SH3BGRL2: variants seen among roughly 807,000 people sequenced by gnomAD.
SH3BGRL2 encodes the protein SH3 domain binding glutamate rich protein like 2.
Under a neutral mutation model 14.8 loss-of-function variants are expected in SH3BGRL2, and 21 were observed. The ratio of observed to expected loss-of-function variants is 1.42; its 90% CI spans 1.01 to 2.05. SH3BGRL2 has a LOEUF of 2.05. SH3BGRL2 is among the 30% of genes most tolerant of loss of function. The pLI is 0.00. For synonymous variants in SH3BGRL2, 50 were observed against 47.8 expected (o/e 1.05, Z -0.19); for missense variants, 147 against 130.8 (o/e 1.12, Z -0.61).
intron 2 of SH3BGRL2, among the ~76,000 whole-genome samples, chr6:79,695,731 A>G (rs1344647333): frequency 6.6e-6 from 1 of 152,214 alleles, no homozygotes; most frequent in Admixed American, 6.5e-5. Flanking sequence ...AATGCCTAAA[A>G]TGATTGTGAT....
chr6:79,600,961 C>T, the SH3BGRL2 span, among the ~76,000 whole-genome samples: 212 of 152,232 alleles, frequency 1.4e-3, 2 homozygotes, highest in African/African-American at 4.8e-3. Flanking sequence ...AGCCATGATA[C>T]TTAAAATCAT....
the SH3BGRL2 span, among the ~76,000 whole-genome samples, chr6:79,572,639 G>A: frequency 6.6e-6 from 1 of 152,064 alleles, no homozygotes; most frequent in Admixed American, 6.5e-5. Flanking sequence ...CTAATTTTTT[G>A]TATTTTCAGC....
At chr6:79,639,439 A>G (rs1277830426) in intron 1 of SH3BGRL2, among the ~76,000 whole-genome samples, 2 of 152,090 alleles carry the variant, frequency 1.3e-5, no homozygotes, top group Non-Finnish European at 2.9e-5. Context: ...AAATATAAAA[A>G]TTAGCGGGGC....
chr6:79,601,669 G>A, the SH3BGRL2 span, among the ~76,000 whole-genome samples: 2 of 152,208 alleles, frequency 1.3e-5, no homozygotes, highest in East Asian at 3.9e-4. Flanking sequence ...GTCCTCAGTT[G>A]ATTCAGCTGA....
rs145492135 is a variant in SH3BGRL2 at position 79,683,116 on chromosome 6, A to G, written c.231+9317A>G. Among the ~76,000 whole-genome samples the G allele has an allele frequency of 3.3e-4, 51 of 152,294 alleles. No individual in the cohort carries two copies. The East Asian group carries it at 5.8e-3, about 17-fold the overall frequency. ...TAATGTAAATGATGAGTTGATGGGT[A>G]CAGCAAACCAATATGGTACATGTAT... On this transcript the variant is annotated intron_variant, in intron 2 of 3. Transcript: ENST00000369838.
the SH3BGRL2 span, among the ~76,000 whole-genome samples, chr6:79,599,619 A>G: frequency 6.6e-6 from 1 of 152,060 alleles, no homozygotes; most frequent in Non-Finnish European, 1.5e-5. Context: ...GATCCACCCT[A>G]TACCAGCTCT....
At chr6:79,649,448 G>A (rs1257003726) in intron 1 of SH3BGRL2, among the ~76,000 whole-genome samples, 4 of 152,144 alleles carry the variant, frequency 2.6e-5, no homozygotes, top group Admixed American at 6.6e-5. Context: ...TTGGCAGGGT[G>A]AGCTTCAAGT....
chr6:79,699,461 GACTTT>G, intron 3 of SH3BGRL2, 32 bp from the exon 4 acceptor site: 1 of 1,024,782 alleles, frequency 9.8e-7, no homozygotes. Context: ...TGCAATAACT[GACTTT>G]TTTTTTTTTT....
the SH3BGRL2 span, among the ~76,000 whole-genome samples, chr6:79,590,424 G>GATTGATATATATATATAT: frequency 4.9e-4 from 33 of 66,682 alleles, 1 homozygote; most frequent in African/African-American, 2.1e-3. Flanking sequence ...AAGAAAATGT[G>GATTGATATATATATATAT]ATATATATAT....
At chr6:79,650,228 C>T (rs961598862) in intron 1 of SH3BGRL2, among the ~76,000 whole-genome samples, 1 of 152,078 alleles carries the variant, frequency 6.6e-6, no homozygotes, top group African/African-American at 2.4e-5. Context: ...CAGAAAGATA[C>T]AAAAGTTCCC....
At chr6:79,677,968 G>T (rs1319911458) in intron 2 of SH3BGRL2, among the ~76,000 whole-genome samples, 1 of 152,060 alleles carries the variant, frequency 6.6e-6, no homozygotes, top group Non-Finnish European at 1.5e-5. Context: ...TTAACCCTTT[G>T]TTCTCACTCT....
the SH3BGRL2 span, among the ~76,000 whole-genome samples, chr6:79,592,262 T>G: frequency 1.4e-4 from 22 of 152,348 alleles, no homozygotes; most frequent in Non-Finnish European, 2.1e-4. Flanking sequence ...TCCATTTATC[T>G]GATTCAATCC....
At chr6:79,596,116 A>G in the SH3BGRL2 span, among the ~76,000 whole-genome samples, 43 of 152,362 alleles carry the variant, frequency 2.8e-4, no homozygotes, top group Middle Eastern at 3.4e-3. Context: ...TTGTACATTA[A>G]TAGAAGTATA....
In SH3BGRL2 at chr6:79,702,083, G is replaced by T. The variant is rs1211726850; in HGVS notation, c.*2574G>T. 4 of 152,508 alleles carry T rather than the reference G, an allele frequency of 2.6e-5. No individual in the cohort carries two copies. Among genetic ancestry groups the T allele is most frequent in the Admixed American group, 6.6e-5 (1 of 15,254 alleles). The allele number at this position is 152,508 out of a possible 1,614,324, so 9.4% of individuals were successfully genotyped here. A position where few individuals can be genotyped will look rare whatever the true frequency, so the allele number is the denominator to read the frequency against. The stretch of plus-strand genomic sequence containing the variant: ...TGAGTACAGACCAGAAGAAAATTTA[G>T]TTGGGAAAATACTTGTTTTTCCAAA... On this transcript the variant is annotated 3_prime_UTR_variant, in exon 4 of 4. Transcript: ENST00000369838.
chr6:79,549,847 C>A, the SH3BGRL2 span, among the ~76,000 whole-genome samples: 2 of 152,156 alleles, frequency 1.3e-5, no homozygotes, highest in East Asian at 1.9e-4. Flanking sequence ...AATAAGAATT[C>A]TTTAAAAACA....
At position 79,641,084 on chromosome 6, in the gene SH3BGRL2, G is replaced by A. The variant is rs370856597; in HGVS notation, c.45+9578G>A. 3.3e-5 allele frequency among the ~76,000 whole-genome samples: 5 copies of A among 151,680 alleles called. No homozygotes were observed. The East Asian group carries it at 9.7e-4, about 29-fold the overall frequency. Reference sequence around the variant, plus strand: ...CCTTCTGCATGTTCCACAAGACGTGGGAGTGTGGTCTTCTTCATTCATGAC... The same window carrying A: ...CCTTCTGCATGTTCCACAAGACGTGAGAGTGTGGTCTTCTTCATTCATGAC... On this transcript the variant is annotated intron_variant, in intron 1 of 3. Transcript: ENST00000369838.
At chr6:79,540,196 A>T in the SH3BGRL2 span, among the ~76,000 whole-genome samples, 1 of 152,108 alleles carries the variant, frequency 6.6e-6, no homozygotes, top group African/African-American at 2.4e-5. Context: ...GCACTTTGGG[A>T]GGCCAAGGTG....
chr6:79,682,228 G>T (rs1426868410), intron 2 of SH3BGRL2, among the ~76,000 whole-genome samples: 2 of 152,058 alleles, frequency 1.3e-5, no homozygotes, highest in Admixed American at 6.5e-5. Flanking sequence ...GGAAAAAGGG[G>T]GAACAGTCAG....
the SH3BGRL2 span, among the ~76,000 whole-genome samples, chr6:79,583,388 C>T: frequency 2.0e-5 from 3 of 152,162 alleles, no homozygotes; most frequent in African/African-American, 4.8e-5. Context: ...AACCCAAATG[C>T]CCATCAGTGA....
Sources: allele counts gnomAD v4.1 joint callset (sites outside exome capture counted in the v4.1 genomes callset), GRCh38; gene constraint gnomAD v4.1.1; transcripts MANE v1.5; gene names NCBI Gene and HGNC (gene_info 2026-07-23, HGNC 2026-07-21).